The following IGLON5 variants were observed in gnomAD, a reference collection of about 807,000 sequenced individuals.
IGLON5 encodes the protein IgLON family member 5.
IGLON5 carries 16 observed loss-of-function variants against 38.2 expected under a neutral mutation model. The observed-to-expected ratio is 0.42, with a 90% CI of 0.28 to 0.64. The LOEUF is 0.64. Among genes scored for constraint, IGLON5 ranks in the 30% least tolerant of loss-of-function variants. The probability of loss-of-function intolerance (pLI) is 0.23; values close to 1 mark genes in which losing one functional copy is unlikely to be tolerated. For synonymous variants in IGLON5, 207 were observed against 216.4 expected, an observed-to-expected ratio of 0.96 and a Z score of 0.38; for missense variants, 366 against 483.4, an observed-to-expected ratio of 0.76 and a Z score of 2.28.
In IGLON5 at chr19:51,325,636, A is replaced by G. The variant is rs946848153; in HGVS notation, c.511+171A>G. 1.3e-5 allele frequency among the ~76,000 whole-genome samples: 2 copies of G among 152,044 alleles called. No individual in the cohort carries two copies. Among genetic ancestry groups the G allele is most frequent in the Non-Finnish European group, 2.9e-5 (2 of 67,994 alleles). On this transcript the variant is annotated intron_variant, in intron 4 of 7. Transcript: ENST00000270642. This position sits in a 1 kb window ranked among gnomAD's most constrained non-coding sequence, Gnocchi z 5.5. ...CCACAGACCACAAACCCCAGACCTA[A>G]GAGGCGTCACCACTGGCTTTCCACC...
intron 2 of IGLON5, among the ~76,000 whole-genome samples, chr19:51,322,556 TC>T (rs771957364): frequency 2.1e-4 from 30 of 144,804 alleles, no homozygotes; most frequent in Non-Finnish European, 3.8e-4. Context: ...TGGTCTCTGT[TC>T]CCCCCTCTCT....
rs540241870 is a variant in IGLON5, at chr19:51,329,888, C to G, written c.*1129C>G. On this transcript the variant is annotated 3_prime_UTR_variant, in exon 8 of 8. Coordinates refer to ENST00000270642, the MANE Select transcript of IGLON5 (RefSeq NM_001101372.3). The surrounding 1 kb of genome is among the most constrained non-coding windows in gnomAD (Gnocchi z 4.3). ...TGTGACCAGCAATAGCCCCCTGGCT[C>G]CAGCTGTCCGGTAGCTGGTGACTAG... 6.6e-6 allele frequency: 1 copy of G among 152,470 alleles called. No homozygotes were observed. The highest frequency in any genetic ancestry group is 1.9e-4 in the East Asian group (1 of 5,190). The allele number at this position is 152,470 out of a possible 1,614,324, so 9.4% of individuals were successfully genotyped here. A position where few individuals can be genotyped will look rare whatever the true frequency, so the allele number is the denominator to read the frequency against.
At chr19:51,321,361 TAG>T (rs1434689582) in intron 1 of IGLON5, among the ~76,000 whole-genome samples, 1 of 152,132 alleles carries the variant, frequency 6.6e-6, no homozygotes, top group African/African-American at 2.4e-5. Flanking sequence ...GTATTTTTAG[TAG>T]AGATGGGGTT....
chr19:51,330,236 A>G lies in IGLON5; in HGVS notation c.*1477A>G, dbSNP rs1166227469. ...ACATTGTCTTCCATTCCCAGGGTCCAGGGGATGGGGTGGGACAGGGGAGGG... is the reference window on the plus strand; with the variant it reads ...ACATTGTCTTCCATTCCCAGGGTCCGGGGGATGGGGTGGGACAGGGGAGGG... On this transcript the variant is annotated 3_prime_UTR_variant, in exon 8 of 8. Transcript: ENST00000270642. 3 of 33,766 alleles carry G rather than the reference A, an allele frequency of 8.9e-5. No individual in the cohort carries two copies. The highest frequency in any genetic ancestry group is 1.8e-4 in the Non-Finnish European group (3 of 16,824). The allele number at this position is 33,766 out of a possible 1,614,324, so 2.1% of individuals were successfully genotyped here.
At chr19:51,316,336 C>A (rs1201301757) in intron 1 of IGLON5, among the ~76,000 whole-genome samples, 1 of 143,894 alleles carries the variant, frequency 6.9e-6, no homozygotes, top group Non-Finnish European at 1.5e-5. Context: ...CACAGTGGTA[C>A]CCTGTCTCAA....
intron 1 of IGLON5, among the ~76,000 whole-genome samples, chr19:51,317,190 G>T (rs1025963571): frequency 6.6e-6 from 1 of 152,136 alleles, no homozygotes; most frequent in African/African-American, 2.4e-5. Flanking sequence ...AGGCCTGTGC[G>T]TCTGGACTGT....
At position 51,328,768 on chromosome 19, in the gene IGLON5, C is replaced by G. The variant is rs1468090287; in HGVS notation, c.*9C>G. On this transcript the variant is annotated 3_prime_UTR_variant, in exon 8 of 8. Transcript: ENST00000270642. ...TGTGGTGGAGAATGTAGGCGCAACC[C>G]AGTGGAGCTCACCTCCCCCTGCAGG... is the stretch of plus-strand genomic sequence containing the variant. 1 of 1,582,032 alleles carries G rather than the reference C, an allele frequency of 6.3e-7. No homozygotes were observed. Among genetic ancestry groups the G allele is most frequent in the Non-Finnish European group, 8.6e-7 (1 of 1,164,576 alleles).
chr19:51,317,152 T>C (rs1466346633), intron 1 of IGLON5, among the ~76,000 whole-genome samples: 1 of 152,080 alleles, frequency 6.6e-6, no homozygotes, highest in Admixed American at 6.6e-5. Context: ...CCTACCACCT[T>C]CATTCCCAGG....
Position 51,327,001 on chromosome 19 carries a change from G to C in IGLON5, c.647-79G>C. The C allele has an allele frequency of 6.3e-7, 1 of 1,592,684 alleles. No individual in the cohort carries two copies. Among genetic ancestry groups the C allele is most frequent in the Non-Finnish European group, 8.5e-7 (1 of 1,172,002 alleles). On this transcript the variant is annotated intron_variant, in intron 5 of 7. Transcript: ENST00000270642. This position sits in a 1 kb window ranked among gnomAD's most constrained non-coding sequence, Gnocchi z 7.1. ...AAGCGGGGGCGAGACTTACGGGCCT[G>C]AGGGAGGCGGGGGCTGGGGGCGGGA...
chr19:51,325,521 CTCCAT>C lies in IGLON5; in HGVS notation c.511+60_511+64del. 6.6e-7 allele frequency: 1 copy of C among 1,518,512 alleles called. No individual in the cohort carries two copies. The highest frequency in any genetic ancestry group is 8.9e-7 in the Non-Finnish European group (1 of 1,129,796). 94.1% of individuals were successfully genotyped at this position (1,518,512 alleles called of 1,614,324 possible). On this transcript the variant is annotated intron_variant, in intron 4 of 7. Coordinates refer to ENST00000270642, the MANE Select transcript of IGLON5 (RefSeq NM_001101372.3). This position sits in a 1 kb window ranked among gnomAD's most constrained non-coding sequence, Gnocchi z 5.5. Reference sequence around the variant, plus strand: ...GTCCCCCACTGCGCAGTCTGGGCCCCTCCATTCCCCATATCCCTAGCTAGTTTCCC... The same window carrying C: ...GTCCCCCACTGCGCAGTCTGGGCCCCTCCCCATATCCCTAGCTAGTTTCCC...
In IGLON5 at chr19:51,329,033, C is replaced by G. The variant is rs1383563053; in HGVS notation, c.*274C>G. 4 of 321,472 alleles carry G rather than the reference C, an allele frequency of 1.2e-5. No individual in the cohort carries two copies. Among genetic ancestry groups the G allele is most frequent in the South Asian group, 5.1e-5 (1 of 19,680 alleles). 19.9% of individuals were successfully genotyped at this position (321,472 alleles called of 1,614,324 possible). On this transcript the variant is annotated 3_prime_UTR_variant, in exon 8 of 8. Transcript: ENST00000270642. The surrounding 1 kb of genome is among the most constrained non-coding windows in gnomAD (Gnocchi z 4.3). ...CCCACTCCCGCCACCCCATACCCCT[C>G]TCTCTTAGCTCAGGCTGTCAACTGG...
At chr19:51,312,389 C>T (rs1984789543) in intron 1 of IGLON5, among the ~76,000 whole-genome samples, 1 of 151,988 alleles carries the variant, frequency 6.6e-6, no homozygotes, top group Non-Finnish European at 1.5e-5. Context: ...TTGCCGGGGG[C>T]TGGGGTAGTC....
chr19:51,322,413 AGGGGACAGAGATCCAGAG>A (rs1985086351), intron 2 of IGLON5, among the ~76,000 whole-genome samples: 1 of 143,682 alleles, frequency 7.0e-6, no homozygotes, highest in African/African-American at 2.9e-5. Flanking sequence ...CCCAGAGAGA[AGGGGACAGAGATCCAGAG>A]AGAAGGGGAC....
chr19:51,317,937 C>T (rs529698810), intron 1 of IGLON5, among the ~76,000 whole-genome samples: 39 of 152,320 alleles, frequency 2.6e-4, no homozygotes, highest in Admixed American at 1.0e-3. Context: ...CCAACCCTAG[C>T]TCCTCAGGGA....
intron 2 of IGLON5, among the ~76,000 whole-genome samples, chr19:51,323,221 C>G (rs1225911885): frequency 1.4e-5 from 2 of 138,304 alleles, no homozygotes; most frequent in Non-Finnish European, 3.1e-5. Context: ...GGTCTCTGTC[C>G]CCCTCTGTCT....
At chr19:51,314,658 G>A (rs1449907648) in intron 1 of IGLON5, among the ~76,000 whole-genome samples, 4 of 152,150 alleles carry the variant, frequency 2.6e-5, no homozygotes, top group African/African-American at 7.2e-5. Flanking sequence ...GAGACAGAAC[G>A]AGATGCCAGA....
At chr19:51,321,992 CAT>C (rs1985071655) in intron 1 of IGLON5, 70 bp from the exon 2 acceptor site, 5 of 1,236,908 alleles carry the variant, frequency 4.0e-6, no homozygotes, top group African/African-American at 1.5e-5. Flanking sequence ...TGCGTGTGCA[CAT>C]GTGTGCAGGT....
chr19:51,312,468 A>G (rs989727786), intron 1 of IGLON5, among the ~76,000 whole-genome samples: 21 of 152,226 alleles, frequency 1.4e-4, no homozygotes, highest in African/African-American at 5.1e-4. Flanking sequence ...AAGGGTGTCC[A>G]CAGACCTAGT....
rs1368372239 is a variant in IGLON5 at position 51,323,894 on chromosome 19, G to A, written c.391G>A (p.Val131Ile). 1 of 1,596,148 alleles carries A rather than the reference G, an allele frequency of 6.3e-7. No individual in the cohort carries two copies. The highest frequency in any genetic ancestry group is 1.7e-5 in the Admixed American group (1 of 59,612). Residue 131 changes from valine to isoleucine, a missense_variant and splice_region_variant, in exon 3 of 8, where the codon GTC (valine) becomes ATC (isoleucine). Physicochemically the swap from Val to Ile is conservative, Grantham distance 29 (BLOSUM62 3). Transcript: ENST00000270642. ...YTTQVYLIVHVPARIVNISSP... is the reference protein window; with the variant it reads ...YTTQVYLIVHIPARIVNISSP... ...CACTCAGGTCTACCTCATTGTCCAC[G>A]GTGAGCCCTTGGCCGGGGCCTGGCT...
Sources: gnomAD v4.1 joint callset for allele counts (sites outside exome capture counted in the v4.1 genomes callset) on GRCh38, gnomAD v4.1.1 for gene constraint, Gnocchi (gnomAD v3.1) non-coding constraint, MANE v1.5 for transcripts, NCBI Gene and HGNC (gene_info 2026-07-23, HGNC 2026-07-21) for gene names.